The following SOX5 variants were observed in gnomAD, a reference collection of about 807,000 sequenced individuals.
SOX5 encodes SRY-box transcription factor 5, also known as transcription factor SOX-5.
Under a neutral mutation model 92.0 loss-of-function variants are expected in SOX5, and 9 were observed. The observed-to-expected ratio is 0.10, with a 90% confidence interval of 0.06 to 0.17. SOX5 has a LOEUF of 0.17. Among genes scored for constraint, SOX5 ranks in the 10% least tolerant of loss-of-function variants. The pLI is 1.00. For synonymous variants in SOX5, 344 were observed against 336.3 expected, an observed-to-expected ratio of 1.02 and a Z score of -0.25; for missense variants, 642 against 944.5, an observed-to-expected ratio of 0.68 and a Z score of 4.20.
In SOX5 at chr12:24,386,432, C is replaced by G. The variant is rs1005259774; in HGVS notation, c.-250-17793G>C. Among the ~76,000 whole-genome samples the G allele has an allele frequency of 3.9e-4, 60 of 152,070 alleles. 2 individuals are homozygous for G. Among genetic ancestry groups the G allele is most frequent in the Admixed American group, 3.9e-3 (60 of 15,258 alleles). ...GTATTAAATATAAGTGTAATTAATA[C>G]TATTATCAATCCTATGTTATTCATA... is the stretch of plus-strand genomic sequence containing the variant. On this transcript the variant is annotated intron_variant, in intron 1 of 4. Transcript: ENST00000446891.
At chr12:23,955,613 A>AT (rs1435415350), upstream of SOX5, among the ~76,000 whole-genome samples, 1 of 152,046 alleles carries the variant, frequency 6.6e-6, no homozygotes, top group Non-Finnish European at 1.5e-5. Flanking sequence ...TTTTCAATTT[A>AT]TTTTTTTACT....
At position 24,041,029 on chromosome 12, in the gene SOX5, C is replaced by T. The variant is rs1358172128; in HGVS notation, c.-1-145005G>A. On this transcript the variant is annotated intron_variant, in intron 4 of 4. Coordinates refer to the SOX5 transcript ENST00000446891. ...CAAGCACTTAATAAGTTAAATACAA[C>T]TCTAAATTTAAAAATATTTTCTCTT... Among the ~76,000 whole-genome samples, 5 of 152,252 alleles carry T rather than the reference C, an allele frequency of 3.3e-5. No homozygotes were observed. The East Asian group carries it at 9.6e-4, about 29-fold the overall frequency.
At position 23,720,888 on chromosome 12, in the gene SOX5, T is replaced by C. The variant is rs567011825; in HGVS notation, c.810+13796A>G. ...CTCTTATTTTGTGTTCATCCGTACCTACGATCTTGATCTATTTAATATGAT... is the reference window on the plus strand; with the variant it reads ...CTCTTATTTTGTGTTCATCCGTACCCACGATCTTGATCTATTTAATATGAT... On this transcript the variant is annotated intron_variant, in intron 6 of 14. Coordinates refer to ENST00000451604, the MANE Select transcript of SOX5 (RefSeq NM_006940.6). Among the ~76,000 whole-genome samples the C allele has an allele frequency of 3.3e-5, 5 of 152,280 alleles. No homozygotes were observed. The South Asian group carries it at 6.2e-4, about 19-fold the overall frequency.
chr12:24,019,306 T>C (rs1954028808), intron 4 of SOX5, among the ~76,000 whole-genome samples: 1 of 152,178 alleles, frequency 6.6e-6, no homozygotes, highest in Admixed American at 6.5e-5. Context: ...TTTCCAGCCT[T>C]TAATTCTTTA....
At position 23,956,751 on chromosome 12, in the gene SOX5, C is replaced by A. The variant is rs1946338002; in HGVS notation, c.-1-60727G>T. On this transcript the variant is annotated intron_variant, in intron 4 of 4. Transcript: ENST00000446891. ...CCCAGGCTGGAGTGCAGTGGTGTGA[C>A]CTCGGCTCACTGCAACCTCCACCTC... is the stretch of plus-strand genomic sequence containing the variant. 2.6e-5 allele frequency among the ~76,000 whole-genome samples: 4 copies of A among 151,892 alleles called. 1 individual carries two copies. The highest frequency in any genetic ancestry group is 4.2e-4 in the South Asian group (2 of 4,810).
chr12:23,950,172 T>A (rs1333280538), upstream of SOX5, among the ~76,000 whole-genome samples: 1 of 151,850 alleles, frequency 6.6e-6, no homozygotes, highest in Non-Finnish European at 1.5e-5. Context: ...AAGCAAAAAA[T>A]TTAATGTTAG....
intron 4 of SOX5, among the ~76,000 whole-genome samples, chr12:24,120,496 T>C (rs981111702): frequency 6.6e-6 from 1 of 152,206 alleles, no homozygotes; most frequent in Non-Finnish European, 1.5e-5. Flanking sequence ...TTCGAACTAT[T>C]CTTTCAGAAC....
chr12:23,666,103 A>G (rs146551809), intron 6 of SOX5, among the ~76,000 whole-genome samples: 1,648 of 151,726 alleles, frequency 0.011, 19 homozygotes, highest in South Asian at 0.022. Flanking sequence ...CAGAATAGCT[A>G]AAACTTTACT....
At chr12:23,889,252 T>C (rs1478077619) in intron 2 of SOX5, among the ~76,000 whole-genome samples, 2 of 152,186 alleles carry the variant, frequency 1.3e-5, no homozygotes, top group East Asian at 1.9e-4. Context: ...AAGTTTGACG[T>C]ACAAAGGTAA....
chr12:24,538,339 A>G (rs1382015106), intron 1 of SOX5, among the ~76,000 whole-genome samples: 1 of 152,158 alleles, frequency 6.6e-6, no homozygotes, highest in Non-Finnish European at 1.5e-5. Context: ...AGACTCTTAA[A>G]AAAAAGTTTG....
At chr12:24,058,796 T>C (rs1292454645) in intron 4 of SOX5, among the ~76,000 whole-genome samples, 2 of 151,196 alleles carry the variant, frequency 1.3e-5, no homozygotes, top group African/African-American at 2.4e-5. Context: ...TTAGTAAGTA[T>C]ATAAATAAAT....
intron 4 of SOX5, among the ~76,000 whole-genome samples, chr12:24,159,570 C>T (rs1296758328): frequency 1.3e-5 from 2 of 151,934 alleles, no homozygotes; most frequent in Non-Finnish European, 2.9e-5. Flanking sequence ...ATCAATTAGG[C>T]ATAGAAATGA....
intron 4 of SOX5, among the ~76,000 whole-genome samples, chr12:24,004,990 C>A (rs1952001682): frequency 3.3e-5 from 5 of 152,016 alleles, no homozygotes; most frequent in Admixed American, 3.3e-4. Context: ...AAATATTACC[C>A]TAAGCGAAAG....
intron 8 of SOX5, among the ~76,000 whole-genome samples, chr12:23,631,926 T>C (rs188786283): frequency 5.0e-4 from 76 of 152,204 alleles, no homozygotes; most frequent in African/African-American, 1.8e-3. Flanking sequence ...GTAATAACTA[T>C]GGAAGCAGTT....
chr12:23,740,910 T>C lies in SOX5; in HGVS notation c.698A>G (p.Lys233Arg). Residue 233 changes from lysine (K) to arginine (R), a missense_variant, in exon 5 of 15, where the codon AAA (lysine) becomes AGA (arginine). Transcript: ENST00000451604. The stretch of plus-strand genomic sequence containing the variant: ...GGCCAGCTCCATTTGCTGACGCTGT[T>C]TCTCAATCTGAGAGGCAGCTAGTTT... ...QKKLAASQIE[K>R]QRQQMELAKQ... The C allele has an allele frequency of 1.2e-6, 2 of 1,613,226 alleles. No individual in the cohort carries two copies. The highest frequency in any genetic ancestry group is 1.7e-6 in the Non-Finnish European group (2 of 1,179,368).
At position 24,310,761 on chromosome 12, in the gene SOX5, A is replaced by G. The variant is rs573471258; in HGVS notation, c.-173-33449T>C. Among the ~76,000 whole-genome samples, 3 of 152,350 alleles carry G rather than the reference A, an allele frequency of 2.0e-5. No individual in the cohort carries two copies. In the East Asian group the frequency reaches 5.8e-4, roughly 29 times the overall value. On this transcript the variant is annotated intron_variant, in intron 2 of 4. Transcript: ENST00000446891. ...GCAAATAACTCAGTATGGTCAAGTC[A>G]TATGACAGGGAAACAGACAAAACTC...
rs78565058 is a variant in SOX5, at chr12:23,852,421, C to G, written c.271-6228G>C. 5.9e-4 allele frequency among the ~76,000 whole-genome samples: 90 copies of G among 151,922 alleles called. 5 individuals are homozygous for G. The East Asian group carries it at 0.016, about 28-fold the overall frequency. ...TATACTTCAAAAATATAATCCAGCC[C>G]GTATTTCAAACATTTCTTATGTATT... is the stretch of plus-strand genomic sequence containing the variant. On this transcript the variant is annotated intron_variant, in intron 2 of 14. Transcript: ENST00000451604.
At chr12:23,906,600 A>C (rs1431725385) in intron 1 of SOX5, among the ~76,000 whole-genome samples, 2 of 152,214 alleles carry the variant, frequency 1.3e-5, no homozygotes, top group African/African-American at 2.4e-5. Flanking sequence ...GTGTGTCTGA[A>C]AGCTAAGCAG....
At chr12:23,911,637 T>G (rs2097352895) in intron 1 of SOX5, among the ~76,000 whole-genome samples, 1 of 152,124 alleles carries the variant, frequency 6.6e-6, no homozygotes, top group African/African-American at 2.4e-5. Context: ...TGCAGAGCAG[T>G]AAGAACAACA....
Sources: allele counts gnomAD v4.1 joint callset (sites outside exome capture counted in the v4.1 genomes callset), GRCh38; gene constraint gnomAD v4.1.1; transcripts MANE v1.5; gene names NCBI Gene and HGNC (gene_info 2026-07-23, HGNC 2026-07-21).